Variants in GRIN2B observed in about 807,000 individuals in gnomAD.
GRIN2B encodes the protein glutamate ionotropic receptor NMDA type subunit 2B.
In GRIN2B, 5 loss-of-function variants were observed where a neutral mutation model predicts 114.5. The observed-to-expected ratio is 0.04, with a 90% CI of 0.02 to 0.09. GRIN2B has a LOEUF of 0.09. GRIN2B is among the 10% of genes least tolerant of loss of function. The pLI is 1.00. For synonymous variants in GRIN2B, 787 were observed against 745.1 expected (o/e 1.06, Z -0.92); for missense variants, 1,108 against 1,943.5 (o/e 0.57, Z 8.08).
At chr12:13,974,868 TA>T in intron 2 of GRIN2B, among the ~76,000 whole-genome samples, 1 of 151,380 alleles carries the variant, frequency 6.6e-6, no homozygotes. Context: ...TAAATGAAGT[TA>T]AAAGAACAGT....
At chr12:13,699,172 T>A (rs1299137329) in intron 4 of GRIN2B, among the ~76,000 whole-genome samples, 1 of 152,196 alleles carries the variant, frequency 6.6e-6, no homozygotes, top group Non-Finnish European at 1.5e-5. Flanking sequence ...ATCAGTGAAC[T>A]TTCTTCTGTT....
chr12:13,765,524 G>A (rs962482571), intron 3 of GRIN2B, among the ~76,000 whole-genome samples: 1 of 152,188 alleles, frequency 6.6e-6, no homozygotes, highest in African/African-American at 2.4e-5. Flanking sequence ...CAAAACTGAT[G>A]TCAAGATGGA....
intron 2 of GRIN2B, among the ~76,000 whole-genome samples, chr12:13,891,977 A>G (rs1280555813): frequency 6.6e-6 from 1 of 152,212 alleles, no homozygotes; most frequent in Non-Finnish European, 1.5e-5. Flanking sequence ...GATGGCAATA[A>G]CTAATATTGC....
intron 5 of GRIN2B, among the ~76,000 whole-genome samples, chr12:13,639,292 T>C (rs993131445): frequency 1.3e-5 from 2 of 152,110 alleles, no homozygotes; most frequent in South Asian, 2.1e-4. Context: ...TAGTGCCAGA[T>C]AGCGCTTGGA....
At chr12:13,688,017 G>A (rs946048262) in intron 4 of GRIN2B, among the ~76,000 whole-genome samples, 2 of 152,068 alleles carry the variant, frequency 1.3e-5, no homozygotes, top group Non-Finnish European at 2.9e-5. Context: ...CTTGTTTTTG[G>A]TGCTTTACAT....
Position 13,550,528 on chromosome 12 carries a change from C to G in GRIN2B, c.*12255G>C, listed in dbSNP as rs1489377345. On this transcript the variant is annotated 3_prime_UTR_variant, in exon 14 of 14. Transcript: ENST00000609686. ...GTATGTATCTAAGCAACAGGACTGTCTGTTCTCAGTAGAATGACTTCTGCT... is the reference window on the plus strand; with the variant it reads ...GTATGTATCTAAGCAACAGGACTGTGTGTTCTCAGTAGAATGACTTCTGCT... 2 of 152,204 alleles carry G rather than the reference C, an allele frequency of 1.3e-5. No homozygotes were observed. Among genetic ancestry groups the G allele is most frequent in the Non-Finnish European group, 2.9e-5 (2 of 68,038 alleles). The allele number at this position is 152,204 out of a possible 1,614,324, so 9.4% of individuals were successfully genotyped here. A position where few individuals can be genotyped will look rare whatever the true frequency, so the allele number is the denominator to read the frequency against.
intron 2 of GRIN2B, among the ~76,000 whole-genome samples, chr12:13,902,041 T>C (rs1866461145): frequency 6.6e-6 from 1 of 152,178 alleles, no homozygotes; most frequent in African/African-American, 2.4e-5. Context: ...AAGTTTTCTA[T>C]TCCATTTCAT....
intron 5 of GRIN2B, among the ~76,000 whole-genome samples, chr12:13,628,094 T>C (rs1278359385): frequency 6.6e-6 from 1 of 152,174 alleles, no homozygotes; most frequent in African/African-American, 2.4e-5. Context: ...ATAAGGCACA[T>C]AAAATGCAGA....
At chr12:13,913,498 G>A (rs1249938544) in intron 2 of GRIN2B, among the ~76,000 whole-genome samples, 1 of 152,202 alleles carries the variant, frequency 6.6e-6, no homozygotes, top group Non-Finnish European at 1.5e-5. Context: ...GCTGCTGTCT[G>A]TGAGGCACTG....
chr12:13,779,777 T>C (rs1864073291), intron 3 of GRIN2B, among the ~76,000 whole-genome samples: 2 of 152,186 alleles, frequency 1.3e-5, no homozygotes, highest in Non-Finnish European at 2.9e-5. Context: ...GTCCAGCTAC[T>C]GATAGCTCCA....
chr12:13,678,268 G>T (rs1398977736), intron 4 of GRIN2B, among the ~76,000 whole-genome samples: 9 of 152,048 alleles, frequency 5.9e-5, no homozygotes, highest in Admixed American at 5.9e-4. Context: ...CTCCTGTCCA[G>T]CCCACCACCA....
At chr12:13,897,990 TAATAAATAAATAAATA>T (rs58807255) in intron 2 of GRIN2B, among the ~76,000 whole-genome samples, 2 of 144,630 alleles carry the variant, frequency 1.4e-5, no homozygotes, top group African/African-American at 2.5e-5. Context: ...TAAAGTATAA[TAATAAATAAATAAATA>T]AATAAATAAA....
chr12:13,647,481 T>C (rs1301506027), intron 5 of GRIN2B, among the ~76,000 whole-genome samples: 1 of 152,100 alleles, frequency 6.6e-6, no homozygotes, highest in African/African-American at 2.4e-5. Flanking sequence ...TGACTGAATA[T>C]AACTATGTAT....
intron 4 of GRIN2B, among the ~76,000 whole-genome samples, chr12:13,701,495 A>T (rs1950311795): frequency 6.9e-6 from 1 of 144,824 alleles, no homozygotes; most frequent in South Asian, 2.2e-4. Flanking sequence ...TGTGTGAAGC[A>T]CTAGGGATTC....
chr12:13,775,637 T>G (rs1863990787), intron 3 of GRIN2B, among the ~76,000 whole-genome samples: 1 of 152,246 alleles, frequency 6.6e-6, no homozygotes, highest in African/African-American at 2.4e-5. Flanking sequence ...AATACATTTG[T>G]ATACATTGTA....
intron 10 of GRIN2B, among the ~76,000 whole-genome samples, chr12:13,580,393 G>A (rs1948831975): frequency 6.6e-6 from 1 of 152,154 alleles, no homozygotes; most frequent in Non-Finnish European, 1.5e-5. Flanking sequence ...CTATTTGCAG[G>A]GATCCATCCA....
rs573839772 is a variant in GRIN2B, at chr12:13,916,587, G to A, written c.-18-50361C>T. ...CTATCGGCCAGGCGTGGTGGCTCAC[G>A]CCTATAATTCCAGCTCTTTGGGAAG... On this transcript the variant is annotated intron_variant, in intron 2 of 13. Transcript: ENST00000609686. Among the ~76,000 whole-genome samples, 11 of 152,074 alleles carry A rather than the reference G, an allele frequency of 7.2e-5. No individual in the cohort carries two copies. In the East Asian group the frequency reaches 7.8e-4, roughly 11 times the overall value.
intron 1 of GRIN2B, 42 bp from the exon 2 acceptor site, chr12:13,980,398 C>T (rs3764030): frequency 0.18 from 27,101 of 151,984 alleles, 3,318 homozygotes; most frequent in Admixed American, 0.38. Context: ...ATTCGCGTGT[C>T]CCCCGGAGGG....
chr12:13,876,172 C>CTAGA (rs1321782692), intron 2 of GRIN2B, among the ~76,000 whole-genome samples: 1 of 152,106 alleles, frequency 6.6e-6, no homozygotes, highest in African/African-American at 2.4e-5. Context: ...TCAAAAAGAG[C>CTAGA]TAGAATTGAA....
Sources: gnomAD v4.1 joint callset for allele counts (sites outside exome capture counted in the v4.1 genomes callset) on GRCh38, gnomAD v4.1.1 for gene constraint, MANE v1.5 for transcripts, NCBI Gene and HGNC (gene_info 2026-07-23, HGNC 2026-07-21) for gene names.